The following RBMS2 variants were observed in gnomAD, a reference collection of about 807,000 sequenced individuals.
RBMS2 encodes the protein RNA-binding motif, single-stranded-interacting protein 2.
Under a neutral mutation model 58.4 loss-of-function variants are expected in RBMS2, and 38 were observed. The ratio of observed to expected loss-of-function variants is 0.65; its 90% confidence interval spans 0.50 to 0.85. The LOEUF is 0.85. Among genes scored for constraint, RBMS2 ranks in the 40% least tolerant of loss-of-function variants. The probability of loss-of-function intolerance (pLI) is 0.00; values close to 1 mark genes in which losing one functional copy is unlikely to be tolerated. For synonymous variants in RBMS2, 151 were observed against 180.7 expected, an observed-to-expected ratio of 0.84 and a Z score of 1.32; for missense variants, 367 against 503.7, an observed-to-expected ratio of 0.73 and a Z score of 2.60.
At chr12:56,551,059 A>G (rs1878176744) in intron 1 of RBMS2, among the ~76,000 whole-genome samples, 1 of 148,376 alleles carries the variant, frequency 6.7e-6, no homozygotes, top group Non-Finnish European at 1.5e-5. Flanking sequence ...TTGAGGCTGC[A>G]GTGAGCTATG....
At chr12:56,587,452 T>A in intron 10 of RBMS2, 102 bp from the exon 11 acceptor site, 1 of 1,234,800 alleles carries the variant, frequency 8.1e-7, no homozygotes. Flanking sequence ...TTCCCAGGAT[T>A]CTTAAATGTC....
At chr12:56,553,826 GTTTT>G (rs200492614) in intron 1 of RBMS2, among the ~76,000 whole-genome samples, 1 of 136,252 alleles carries the variant, frequency 7.3e-6, no homozygotes, top group Non-Finnish European at 1.6e-5. Context: ...TAATTTCTTT[GTTTT>G]TTTTTTTTTT....
Position 56,582,150 on chromosome 12 carries a change from C to G in RBMS2, c.871C>G (p.Gln291Glu). ...PYLSSPVSSYQRVTQTSPLQV... is the reference protein window; with the variant it reads ...PYLSSPVSSYERVTQTSPLQV... Reference sequence around the variant, plus strand: ...CCTTTCCTCTCCTGTGTCTTCGTATCAGGTATGTTCATGCCTGAAAAATGG... The same window carrying G: ...CCTTTCCTCTCCTGTGTCTTCGTATGAGGTATGTTCATGCCTGAAAAATGG... Residue 291 changes from glutamine (Q) to glutamate (E), a missense_variant and splice_region_variant, in exon 9 of 14, where the codon CAG becomes GAG. Gln to Glu is a conservative substitution (Grantham distance 29). Coordinates refer to ENST00000262031, the MANE Select transcript of RBMS2 (RefSeq NM_002898.4). 1 of 1,596,896 alleles carries G rather than the reference C, an allele frequency of 6.3e-7. No individual in the cohort carries two copies. Among genetic ancestry groups the G allele is most frequent in the Non-Finnish European group, 8.6e-7 (1 of 1,165,422 alleles).
At chr12:56,534,883 C>T (rs1424081072) in intron 1 of RBMS2, among the ~76,000 whole-genome samples, 2 of 152,094 alleles carry the variant, frequency 1.3e-5, no homozygotes, top group East Asian at 1.9e-4. Context: ...CCTCGTGATC[C>T]GCCCGCCTCA....
rs17118778 is a variant in RBMS2 at position 56,563,871 on chromosome 12, G to T, written c.233+1288G>T. 7.6e-3 allele frequency among the ~76,000 whole-genome samples: 1,157 copies of T among 152,228 alleles called. 14 individuals are homozygous for T. Among genetic ancestry groups the T allele is most frequent in the African/African-American group, 0.025 (1,046 of 41,552 alleles). On this transcript the variant is annotated intron_variant, in intron 2 of 13. Transcript: ENST00000262031. Reference sequence around the variant, plus strand: ...AAAGGTATGTAAGTGGAATTAAGGGGACTGTCTTGGACTAGTAATTTTTGA... The same window carrying T: ...AAAGGTATGTAAGTGGAATTAAGGGTACTGTCTTGGACTAGTAATTTTTGA...
rs145598105 is a variant in RBMS2, at chr12:56,567,125, C to T, written c.234-1850C>T. Among the ~76,000 whole-genome samples the T allele has an allele frequency of 2.0e-5, 3 of 152,238 alleles. No individual in the cohort carries two copies. In the East Asian group the frequency reaches 5.8e-4, roughly 29 times the overall value. ...CTTGGCCAAGTGTGGTGGCTCATGC[C>T]TGTAATCCCAGCACTTTGGGAGGCT... is the stretch of plus-strand genomic sequence containing the variant. On this transcript the variant is annotated intron_variant, in intron 2 of 13. Transcript: ENST00000262031.
intron 1 of RBMS2, among the ~76,000 whole-genome samples, chr12:56,529,455 T>G (rs1253840530): frequency 1.3e-5 from 2 of 151,950 alleles, no homozygotes; most frequent in African/African-American, 4.8e-5. Flanking sequence ...CCCCAGCTAC[T>G]CGGAAGGCTG....
chr12:56,548,801 T>C (rs1038610684), intron 1 of RBMS2, among the ~76,000 whole-genome samples: 1 of 152,140 alleles, frequency 6.6e-6, no homozygotes, highest in African/African-American at 2.4e-5. Flanking sequence ...TTAACAAATA[T>C]CCATGCCTAT....
intron 2 of RBMS2, among the ~76,000 whole-genome samples, chr12:56,564,922 C>T (rs934527830): frequency 3.3e-5 from 5 of 151,998 alleles, no homozygotes; most frequent in African/African-American, 7.2e-5. Flanking sequence ...TGCAGTGAGC[C>T]GAGATCACGC....
At chr12:56,562,691 G>C in intron 2 of RBMS2, 108 bp downstream of exon 2, 1 of 1,240,046 alleles carries the variant, frequency 8.1e-7, no homozygotes, top group East Asian at 2.4e-5. Context: ...GGGCTCAAGT[G>C]ATCCTCCTGT....
At chr12:56,521,216 G>A (rs977045843), upstream of RBMS2, among the ~76,000 whole-genome samples, 1 of 152,004 alleles carries the variant, frequency 6.6e-6, no homozygotes. Flanking sequence ...ATCACTTGAG[G>A]TCAGGAGTTC....
intron 1 of RBMS2, among the ~76,000 whole-genome samples, chr12:56,544,344 A>G (rs1329381592): frequency 6.6e-6 from 1 of 151,922 alleles, no homozygotes; most frequent in East Asian, 1.9e-4. Flanking sequence ...TGTTTTAGAG[A>G]TGTCTTTCTT....
chr12:56,562,820 T>TA (rs1880668217), intron 2 of RBMS2, among the ~76,000 whole-genome samples: 1 of 152,162 alleles, frequency 6.6e-6, no homozygotes, highest in Non-Finnish European at 1.5e-5. Context: ...AGCAGCCTCT[T>TA]AAAAAATTCT....
At chr12:56,581,786 T>C (rs1337847720) in intron 7 of RBMS2, 47 bp from the exon 8 acceptor site, 6 of 1,605,582 alleles carry the variant, frequency 3.7e-6, no homozygotes, top group Non-Finnish European at 5.1e-6. Flanking sequence ...CAGCTCCTAT[T>C]CTCACTCAAG....
intron 1 of RBMS2, among the ~76,000 whole-genome samples, chr12:56,547,679 G>A (rs1322296214): frequency 2.2e-5 from 3 of 135,030 alleles, no homozygotes; most frequent in African/African-American, 2.7e-5. Context: ...AGACAGTTTC[G>A]CTCTTGTTGC....
chr12:56,554,712 C>T (rs1403794913), intron 1 of RBMS2, among the ~76,000 whole-genome samples: 1 of 152,000 alleles, frequency 6.6e-6, no homozygotes, highest in Non-Finnish European at 1.5e-5. Context: ...CAAACTCGCA[C>T]ATGTATCCTG....
chr12:56,569,937 C>T lies in RBMS2; in HGVS notation c.331C>T (p.Gln111Ter), dbSNP rs764725341. 1 of 1,614,026 alleles carries T rather than the reference C, an allele frequency of 6.2e-7. No individual in the cohort carries two copies. The highest frequency in any genetic ancestry group is 1.1e-5 in the South Asian group (1 of 91,076). ...FVDFDSPSAA[Q>*]KAVTALKASG... Reference sequence around the variant, plus strand: ...AGATTTTGACAGCCCTTCAGCAGCACAGAAAGCTGTAACAGCACTGAAGGC... The same window carrying T: ...AGATTTTGACAGCCCTTCAGCAGCATAGAAAGCTGTAACAGCACTGAAGGC... Residue 111 changes from glutamine to a stop codon, truncating the protein, a stop_gained, in exon 4 of 14, where the codon CAG (glutamine) becomes TAG (stop). Transcript: ENST00000262031. LOFTEE classifies it high-confidence loss of function.
At chr12:56,541,100 C>CAAA (rs376084138) in intron 1 of RBMS2, among the ~76,000 whole-genome samples, 41,282 of 124,366 alleles carry the variant, frequency 0.33, 6,237 homozygotes, top group South Asian at 0.53. Flanking sequence ...GACCTTGACT[C>CAAA]AAAAAAAAAA....
intron 1 of RBMS2, among the ~76,000 whole-genome samples, chr12:56,531,802 G>T (rs1873783451): frequency 6.8e-6 from 1 of 147,834 alleles, no homozygotes; most frequent in African/African-American, 2.5e-5. Flanking sequence ...AGGCGACAGT[G>T]CGAGATTCCA....
Sources: gnomAD v4.1 joint callset for allele counts (sites outside exome capture counted in the v4.1 genomes callset) on GRCh38, gnomAD v4.1.1 for gene constraint, MANE v1.5 for transcripts, NCBI Gene and HGNC (gene_info 2026-07-23, HGNC 2026-07-21) for gene names.